The following PARD3B variants were observed in gnomAD, a reference collection of about 807,000 sequenced individuals.
PARD3B encodes partitioning defective 3 homolog B.
A neutral mutation model predicts 130.2 loss-of-function variants in PARD3B; 103 were observed. The observed-to-expected ratio is 0.79, with a 90% CI of 0.67 to 0.93. The LOEUF is 0.93. PARD3B is among the 40% of genes least tolerant of loss of function. PARD3B has a pLI of 0.00. For synonymous variants in PARD3B, 583 were observed against 553.2 expected (o/e 1.05, Z -0.76); for missense variants, 1,609 against 1,499.2 (o/e 1.07, Z -1.21).
In PARD3B at chr2:205,114,784, G is replaced by A. The variant is rs114641701; in HGVS notation, c.680+1207G>A. 8.0e-3 allele frequency among the ~76,000 whole-genome samples: 1,198 copies of A among 149,864 alleles called. 22 individuals carry two copies. Among genetic ancestry groups the A allele is most frequent in the African/African-American group, 0.027 (1,116 of 40,760 alleles). Reference sequence around the variant, plus strand: ...TTTTTTTTTGCAAATAACATCTGATGCCAAGCTCTCACTGGAATGAATGTT... The same window carrying A: ...TTTTTTTTTGCAAATAACATCTGATACCAAGCTCTCACTGGAATGAATGTT... On this transcript the variant is annotated intron_variant, in intron 6 of 22. Coordinates refer to ENST00000406610, the MANE Select transcript of PARD3B (RefSeq NM_001302769.2).
intron 3 of PARD3B, among the ~76,000 whole-genome samples, chr2:205,032,036 G>C (rs1697464765): frequency 6.6e-6 from 1 of 152,060 alleles, no homozygotes; most frequent in South Asian, 2.1e-4. Flanking sequence ...TTTTTCCCTT[G>C]AAAGTTAGAA....
intron 2 of PARD3B, among the ~76,000 whole-genome samples, chr2:204,851,188 A>G (rs1352737486): frequency 6.6e-6 from 1 of 152,192 alleles, no homozygotes; most frequent in Non-Finnish European, 1.5e-5. Flanking sequence ...AACCTTGGTG[A>G]AACACACACT....
At chr2:204,830,978 T>A (rs1463223200) in intron 2 of PARD3B, among the ~76,000 whole-genome samples, 2 of 152,226 alleles carry the variant, frequency 1.3e-5, no homozygotes, top group Non-Finnish European at 2.9e-5. Flanking sequence ...CATGTACCTA[T>A]TATACTATAA....
chr2:205,181,448 G>A (rs7558785), intron 13 of PARD3B, among the ~76,000 whole-genome samples: 24,664 of 152,188 alleles, frequency 0.16, 2,221 homozygotes, highest in Middle Eastern at 0.25. Flanking sequence ...TGAAGCAGGA[G>A]TCAAAAAACT....
At chr2:205,599,228 G>A (rs1052925082) in intron 22 of PARD3B, among the ~76,000 whole-genome samples, 2 of 152,066 alleles carry the variant, frequency 1.3e-5, no homozygotes, top group Non-Finnish European at 2.9e-5. Flanking sequence ...AATTTAGGGG[G>A]AATAGATTAC....
Position 205,121,511 on chromosome 2 carries a change from G to C in PARD3B, c.807-80G>C, listed in dbSNP as rs546849457. On this transcript the variant is annotated intron_variant, in intron 7 of 22. Coordinates refer to ENST00000406610, the MANE Select transcript of PARD3B (RefSeq NM_001302769.2). The surrounding 1 kb of genome is among the most constrained non-coding windows in gnomAD (Gnocchi z 5.0). ...ATGATTAGCCACTGTGCTGCTCTTG[G>C]TTGCCATCCTCCTGGGGTACTTTAG... is the stretch of plus-strand genomic sequence containing the variant. The C allele has an allele frequency of 6.4e-4, 796 of 1,241,226 alleles. 7 individuals are homozygous for C. The highest frequency in any genetic ancestry group is 5.5e-5 in the Non-Finnish European group (48 of 868,962). The allele number at this position is 1,241,226 out of a possible 1,614,324, so 76.9% of individuals were successfully genotyped here. A position where few individuals can be genotyped will look rare whatever the true frequency, so the allele number is the denominator to read the frequency against.
chr2:204,764,805 A>G (rs1218823518), intron 2 of PARD3B, among the ~76,000 whole-genome samples: 1 of 151,568 alleles, frequency 6.6e-6, no homozygotes, highest in Non-Finnish European at 1.5e-5. Context: ...TGCAGCTGCC[A>G]GTTACCTCCA....
chr2:204,704,557 T>G (rs986345158), intron 2 of PARD3B, among the ~76,000 whole-genome samples: 179 of 152,274 alleles, frequency 1.2e-3, no homozygotes, highest in African/African-American at 3.9e-3. Context: ...AATATGGTAT[T>G]TATGAGAATT....
intron 2 of PARD3B, among the ~76,000 whole-genome samples, chr2:204,737,688 T>C (rs1484814394): frequency 6.6e-6 from 1 of 152,224 alleles, no homozygotes; most frequent in Non-Finnish European, 1.5e-5. Flanking sequence ...CATTGTCTGC[T>C]AGAATTTTTA....
At chr2:204,794,092 T>G (rs1300459069) in intron 2 of PARD3B, among the ~76,000 whole-genome samples, 1 of 152,150 alleles carries the variant, frequency 6.6e-6, no homozygotes, top group East Asian at 1.9e-4. Context: ...TACAGGTAGT[T>G]AGTAGACTTG....
At chr2:204,876,463 T>G (rs2045848059) in intron 2 of PARD3B, among the ~76,000 whole-genome samples, 1 of 152,180 alleles carries the variant, frequency 6.6e-6, no homozygotes, top group Non-Finnish European at 1.5e-5. Context: ...AGTTGAAGGA[T>G]TTTGATTTTA....
chr2:205,203,219 A>ATTAG (rs2037086026), intron 15 of PARD3B, among the ~76,000 whole-genome samples: 1 of 152,154 alleles, frequency 6.6e-6, no homozygotes. Flanking sequence ...GTGTACTTAG[A>ATTAG]ACATTGTCTG....
At chr2:205,468,701 C>T (rs932249045) in intron 20 of PARD3B, among the ~76,000 whole-genome samples, 3 of 152,148 alleles carry the variant, frequency 2.0e-5, no homozygotes, top group Non-Finnish European at 2.9e-5. Context: ...CGGTGAGCAT[C>T]AGGTACTTCT....
At chr2:204,788,812 T>G (rs62177846) in intron 2 of PARD3B, among the ~76,000 whole-genome samples, 4,748 of 152,266 alleles carry the variant, frequency 0.031, 99 homozygotes, top group African/African-American at 0.045. Flanking sequence ...TATGGATATA[T>G]TTTTCAAATA....
chr2:204,880,834 G>A (rs7586528), intron 2 of PARD3B, among the ~76,000 whole-genome samples: 42,373 of 151,940 alleles, frequency 0.28, 10,789 homozygotes, highest in African/African-American at 0.68. Context: ...AACTAATGCA[G>A]TAATTACCTA....
chr2:205,193,710 C>T (rs1381241267), intron 15 of PARD3B, among the ~76,000 whole-genome samples: 1 of 152,204 alleles, frequency 6.6e-6, no homozygotes. Context: ...CTGGGAAAAT[C>T]ATGTGGTTCA....
At chr2:204,885,534 GCTT>G (rs1191632355) in intron 2 of PARD3B, among the ~76,000 whole-genome samples, 6 of 152,038 alleles carry the variant, frequency 3.9e-5, no homozygotes, top group African/African-American at 1.4e-4. Flanking sequence ...CACATGTTTT[GCTT>G]CTTCTTCATG....
intron 2 of PARD3B, among the ~76,000 whole-genome samples, chr2:204,894,807 G>A (rs2046584325): frequency 1.3e-5 from 2 of 151,958 alleles, no homozygotes; most frequent in Non-Finnish European, 2.9e-5. Flanking sequence ...TATGTTTATA[G>A]ATGACATGGA....
chr2:204,883,449 A>AT (rs1364395854), intron 2 of PARD3B, among the ~76,000 whole-genome samples: 1 of 102,410 alleles, frequency 9.8e-6, no homozygotes, highest in African/African-American at 5.0e-5. Context: ...ATATATATAT[A>AT]TATATATTTT....
Sources: allele counts gnomAD v4.1 joint callset (sites outside exome capture counted in the v4.1 genomes callset), GRCh38; gene constraint gnomAD v4.1.1; non-coding constraint Gnocchi (gnomAD v3.1); transcripts MANE v1.5; gene names NCBI Gene and HGNC (gene_info 2026-07-23, HGNC 2026-07-21).